Variants in ADAMTSL1 observed in about 807,000 individuals in gnomAD.
The protein encoded by ADAMTSL1 is ADAMTS like 1, also known as ADAMTS-like protein 1.
A neutral mutation model predicts 201.8 loss-of-function variants in ADAMTSL1; 126 were observed. That is an observed-to-expected ratio of 0.62 (90% CI 0.54 to 0.72). The LOEUF is 0.72. Ranked by LOEUF, ADAMTSL1 falls within the 30% of genes least tolerant of loss-of-function variation. The pLI, the probability that ADAMTSL1 is intolerant of heterozygous loss-of-function variation, is 0.00. For synonymous variants in ADAMTSL1, 1,121 were observed against 903.4 expected, an observed-to-expected ratio of 1.24 and a Z score of -4.32; for missense variants, 2,679 against 2,277.8, an observed-to-expected ratio of 1.18 and a Z score of -3.59.
At chr9:18,216,493 G>A (rs1175636450) in intron 2 of ADAMTSL1, among the ~76,000 whole-genome samples, 1 of 152,112 alleles carries the variant, frequency 6.6e-6, no homozygotes. Flanking sequence ...GCATAGGCAT[G>A]AGGGGAGAAA....
At chr9:18,328,767 C>T (rs892512433) in intron 2 of ADAMTSL1, among the ~76,000 whole-genome samples, 5 of 152,114 alleles carry the variant, frequency 3.3e-5, no homozygotes, top group Non-Finnish European at 7.3e-5. Flanking sequence ...TAAAAGGCAT[C>T]TGAGTATTAA....
chr9:18,274,679 T>A (rs1832515892), intron 2 of ADAMTSL1, among the ~76,000 whole-genome samples: 1 of 152,180 alleles, frequency 6.6e-6, no homozygotes, highest in South Asian at 2.1e-4. Context: ...AAAGGCATGA[T>A]TTTCAACCAC....
intron 2 of ADAMTSL1, among the ~76,000 whole-genome samples, chr9:18,220,239 A>C (rs940401586): frequency 2.0e-5 from 3 of 151,976 alleles, no homozygotes; most frequent in African/African-American, 7.2e-5. Flanking sequence ...GAATTTGTTG[A>C]TTTCTTTTCA....
chr9:18,546,845 C>T lies in ADAMTSL1; in HGVS notation c.237+13553C>T, dbSNP rs73644237. Among the ~76,000 whole-genome samples, 561 of 152,212 alleles carry T rather than the reference C, an allele frequency of 3.7e-3. 2 individuals are homozygous for T. The highest frequency in any genetic ancestry group is 0.013 in the African/African-American group (536 of 41,558). On this transcript the variant is annotated intron_variant, in intron 3 of 28. Transcript: ENST00000380548. ...CCCTATTTCATTCAAAACAAGTCTG[C>T]TTTTAACTGCTGTATTTATTAGCAT...
intron 2 of ADAMTSL1, among the ~76,000 whole-genome samples, chr9:18,164,404 A>G (rs1827543563): frequency 1.3e-5 from 2 of 152,010 alleles, no homozygotes; most frequent in Admixed American, 6.6e-5. Flanking sequence ...TCTTACTTCA[A>G]AGTGCTAGTG....
chr9:18,405,534 G>T (rs1241425555), intron 2 of ADAMTSL1, among the ~76,000 whole-genome samples: 2 of 151,690 alleles, frequency 1.3e-5, no homozygotes, highest in African/African-American at 4.8e-5. Context: ...CCAAGCAGCA[G>T]TTGACGTGAG....
intron 2 of ADAMTSL1, among the ~76,000 whole-genome samples, chr9:18,240,001 G>A (rs1028305390): frequency 6.6e-6 from 1 of 152,078 alleles, no homozygotes; most frequent in African/African-American, 2.4e-5. Context: ...ATTAGGGTTG[G>A]CATCAACTTC....
intron 23 of ADAMTSL1, among the ~76,000 whole-genome samples, chr9:18,856,601 T>C (rs941985868): frequency 2.0e-5 from 3 of 151,374 alleles, no homozygotes; most frequent in Non-Finnish European, 4.4e-5. Context: ...GTAGCTGGGG[T>C]TACAGGCTTG....
At chr9:18,758,193 A>T (rs1056038462) in intron 16 of ADAMTSL1, among the ~76,000 whole-genome samples, 1 of 152,044 alleles carries the variant, frequency 6.6e-6, no homozygotes, top group Admixed American at 6.5e-5. Flanking sequence ...TGTGCTTCAA[A>T]CTCATTTTCT....
At chr9:18,789,926 T>C (rs1018125066) in intron 19 of ADAMTSL1, among the ~76,000 whole-genome samples, 1 of 152,180 alleles carries the variant, frequency 6.6e-6, no homozygotes, top group African/African-American at 2.4e-5. Flanking sequence ...TCCAGTCCTG[T>C]GTTGAGGCCT....
intron 2 of ADAMTSL1, among the ~76,000 whole-genome samples, chr9:18,404,231 A>T (rs1345582489): frequency 6.6e-6 from 1 of 152,158 alleles, no homozygotes; most frequent in African/African-American, 2.4e-5. Flanking sequence ...TTTTATAGAA[A>T]CATTTTTATC....
At chr9:18,353,989 T>C (rs56139132) in intron 2 of ADAMTSL1, among the ~76,000 whole-genome samples, 12,680 of 150,860 alleles carry the variant, frequency 0.084, 733 homozygotes, top group Middle Eastern at 0.14. Flanking sequence ...TTTCCAGAGA[T>C]TTTCTATACA....
intron 7 of ADAMTSL1, among the ~76,000 whole-genome samples, chr9:18,643,843 A>T (rs1033335109): frequency 4.0e-5 from 6 of 151,066 alleles, no homozygotes; most frequent in African/African-American, 1.5e-4. Flanking sequence ...TTTTTGTTCT[A>T]GATTGCTTTG....
intron 1 of ADAMTSL1, among the ~76,000 whole-genome samples, chr9:18,095,259 T>C (rs1824195759): frequency 6.6e-6 from 1 of 152,156 alleles, no homozygotes. Flanking sequence ...CACACACAAG[T>C]ACCTACGTGC....
intron 18 of ADAMTSL1, among the ~76,000 whole-genome samples, chr9:18,776,229 A>C (rs1233171991): frequency 6.6e-6 from 1 of 152,028 alleles, no homozygotes; most frequent in Non-Finnish European, 1.5e-5. Flanking sequence ...AACGACTCTA[A>C]ACAGATTTGT....
chr9:18,897,123 G>A (rs1433453827), intron 26 of ADAMTSL1, among the ~76,000 whole-genome samples: 6 of 152,202 alleles, frequency 3.9e-5, no homozygotes. Context: ...CCAGATAGTG[G>A]CCAGAATGAT....
intron 3 of ADAMTSL1, among the ~76,000 whole-genome samples, chr9:18,570,141 A>G (rs1467866083): frequency 2.0e-5 from 3 of 151,938 alleles, no homozygotes; most frequent in African/African-American, 4.8e-5. Flanking sequence ...GAAGGATAGC[A>G]TGAGTCCAAG....
intron 9 of ADAMTSL1, among the ~76,000 whole-genome samples, chr9:18,665,194 C>G (rs1005112858): frequency 6.6e-6 from 1 of 151,936 alleles, no homozygotes; most frequent in African/African-American, 2.4e-5. Flanking sequence ...TATCTAAAAC[C>G]AAAACAAAGA....
chr9:18,042,944 A>C (rs892266492), intron 1 of ADAMTSL1, among the ~76,000 whole-genome samples: 2 of 152,182 alleles, frequency 1.3e-5, no homozygotes, highest in Admixed American at 6.6e-5. Context: ...GAACCTATGT[A>C]AATGCTTCAT....
Sources: allele counts gnomAD v4.1 joint callset (sites outside exome capture counted in the v4.1 genomes callset), GRCh38; gene constraint gnomAD v4.1.1; transcripts MANE v1.5; gene names NCBI Gene and HGNC (gene_info 2026-07-23, HGNC 2026-07-21).